The following SMC4 variants were observed in gnomAD, a reference collection of about 807,000 sequenced individuals.
The protein encoded by SMC4 is structural maintenance of chromosomes protein 4.
In SMC4, 87 loss-of-function variants were observed where a neutral mutation model predicts 145.6. The ratio of observed to expected loss-of-function variants is 0.60; its 90% CI spans 0.50 to 0.71. SMC4 has a LOEUF of 0.71. Among genes scored for constraint, SMC4 ranks in the 30% least tolerant of loss-of-function variants. The probability of loss-of-function intolerance (pLI) is 0.00; values close to 1 mark genes in which losing one functional copy is unlikely to be tolerated. For synonymous variants in SMC4, 558 were observed against 500.7 expected (o/e 1.11, Z -1.53); for missense variants, 1,447 against 1,537.1 (o/e 0.94, Z 0.98).
chr3:160,415,225 G>A lies in SMC4; in HGVS notation c.1272+708G>A, dbSNP rs577916691. Among the ~76,000 whole-genome samples, 18 of 152,276 alleles carry A rather than the reference G, an allele frequency of 1.2e-4. No individual in the cohort carries two copies. The South Asian group carries it at 3.5e-3, about 30-fold the overall frequency. ...CATCTCTACAGAAAATCCAAAATTA[G>A]CCAGGCTCAGTGGAACTTGCCTAAA... On this transcript the variant is annotated intron_variant, in intron 9 of 23. Coordinates refer to ENST00000357388, the MANE Select transcript of SMC4 (RefSeq NM_001002800.3).
chr3:160,430,549 A>C, intron 18 of SMC4, 50 bp from the exon 19 acceptor site: 8 of 1,453,914 alleles, frequency 5.5e-6, no homozygotes, highest in Non-Finnish European at 6.4e-6. Context: ...TTTCAGAAAC[A>C]ATAACAAATC....
intron 5 of SMC4, among the ~76,000 whole-genome samples, chr3:160,409,212 G>T (rs1715688407): frequency 7.0e-6 from 1 of 143,230 alleles, no homozygotes; most frequent in Non-Finnish European, 1.5e-5. Flanking sequence ...CTTGCAGTGA[G>T]TCGAGATCGC....
At chr3:160,400,701 C>A in intron 1 of SMC4, 121 bp from the exon 2 acceptor site, 1 of 1,246,852 alleles carries the variant, frequency 8.0e-7, no homozygotes, top group Non-Finnish European at 1.0e-6. Context: ...AGTCCCGCTG[C>A]CTCTAAGCGG....
chr3:160,433,244 CT>C, intron 23 of SMC4, 35 bp downstream of exon 23: 1 of 1,443,748 alleles, frequency 6.9e-7, no homozygotes, highest in Non-Finnish European at 9.7e-7. Flanking sequence ...ATTCCAGAAA[CT>C]TTTAGGGGTA....
intron 21 of SMC4, 84 bp from the exon 22 acceptor site, chr3:160,432,199 C>T: frequency 5.3e-6 from 6 of 1,129,118 alleles, no homozygotes; most frequent in South Asian, 3.1e-5. Context: ...AAGACTACGT[C>T]TCAAAACAAA....
chr3:160,405,087 C>A (rs537392474), intron 5 of SMC4, among the ~76,000 whole-genome samples: 1 of 152,124 alleles, frequency 6.6e-6, no homozygotes, highest in African/African-American at 2.4e-5. Flanking sequence ...AAATGACTTA[C>A]TTGGTGGAAC....
At chr3:160,408,760 C>T (rs1445061832) in intron 5 of SMC4, among the ~76,000 whole-genome samples, 1 of 151,964 alleles carries the variant, frequency 6.6e-6, no homozygotes. Flanking sequence ...CTACAGATTA[C>T]ATAGGAGATG....
intron 8 of SMC4, chr3:160,413,846 A>T: frequency 2.9e-6 from 1 of 341,232 alleles, no homozygotes; most frequent in Non-Finnish European, 5.4e-6. Flanking sequence ...GTGGCGTAGC[A>T]CAGTAACAAA....
rs746714962 is a variant in SMC4 at position 160,428,830 on chromosome 3, AATAATC to A, written c.2688_2693del (p.Asn896_His897del). 2 of 1,607,480 alleles carry A rather than the reference AATAATC, an allele frequency of 1.2e-6. No homozygotes were observed. The highest frequency in any genetic ancestry group is 2.2e-5 in the South Asian group (2 of 89,246). On this transcript the variant is annotated inframe_deletion, in exon 18 of 24. Transcript: ENST00000357388. Reference sequence around the variant, plus strand: ...CTTACACAATACCATCGTAGAAATCAATAATCATAAACTCAAGGCCCAACAAGACAA... The same window carrying A: ...CTTACACAATACCATCGTAGAAATCAATAAACTCAAGGCCCAACAAGACAA...
chr3:160,422,702 G>T (rs1471014806), intron 13 of SMC4, among the ~76,000 whole-genome samples: 3 of 152,014 alleles, frequency 2.0e-5, no homozygotes, highest in African/African-American at 7.2e-5. Flanking sequence ...TGTGTTTTGG[G>T]TATCATACCC....
At chr3:160,429,615 G>A (rs927146376) in intron 18 of SMC4, among the ~76,000 whole-genome samples, 1 of 151,404 alleles carries the variant, frequency 6.6e-6, no homozygotes, top group Non-Finnish European at 1.5e-5. Context: ...CCAAAAGACT[G>A]AGATTACAGG....
Position 160,419,416 on chromosome 3 carries a change from A to G in SMC4, c.1730A>G (p.His577Arg), listed in dbSNP as rs201372644. The G allele has an allele frequency of 2.5e-6, 4 of 1,612,242 alleles. No individual in the cohort carries two copies. The highest frequency in any genetic ancestry group is 1.3e-5 in the African/African-American group (1 of 74,918). Residue 577 changes from histidine (H) to arginine (R), a missense_variant, in exon 12 of 24, where the codon CAT becomes CGT. Transcript: ENST00000357388. ...GAAACAAACTTTAAAAGTTTGGTTCATGATCTCTTTCAAAAAGTTGAAGAA... is the reference window on the plus strand; with the variant it reads ...GAAACAAACTTTAAAAGTTTGGTTCGTGATCTCTTTCAAAAAGTTGAAGAA... ...QEETNFKSLV[H>R]DLFQKVEEAK...
chr3:160,423,939 G>A, intron 15 of SMC4, 99 bp downstream of exon 15: 1 of 787,368 alleles, frequency 1.3e-6, no homozygotes, highest in Non-Finnish European at 1.9e-6. Context: ...TAAGTATGGT[G>A]TACTCAAATT....
At chr3:160,412,131 T>C in intron 6 of SMC4, 47 bp downstream of exon 6, 1 of 1,573,304 alleles carries the variant, frequency 6.4e-7, no homozygotes, top group Non-Finnish European at 8.6e-7. Flanking sequence ...GTTTCATTTA[T>C]GATCTAACAA....
At chr3:160,413,026 C>T (rs913974344) in intron 7 of SMC4, among the ~76,000 whole-genome samples, 15 of 152,206 alleles carry the variant, frequency 9.9e-5, no homozygotes, top group African/African-American at 3.1e-4. Context: ...CTCAACCTTC[C>T]GGACTCAGTT....
rs1422208774 is a variant in SMC4 at position 160,412,314 on chromosome 3, T to A, written c.853-12T>A. The A allele has an allele frequency of 1.3e-6, 2 of 1,583,388 alleles. No individual in the cohort carries two copies. Among genetic ancestry groups the A allele is most frequent in the African/African-American group, 2.7e-5 (2 of 73,776 alleles). On this transcript the variant is annotated splice_polypyrimidine_tract_variant and intron_variant, in intron 6 of 23. Coordinates refer to ENST00000357388, the MANE Select transcript of SMC4 (RefSeq NM_001002800.3). ...AGTGTGTATTCAGTCTTTAAACTTT[T>A]AATTTCTGTAGTTAAACAGGGTAAA...
At position 160,426,105 on chromosome 3, in the gene SMC4, T is replaced by TC; in HGVS notation, c.2512dup (p.Gln838ProfsTer3). ...ATAGAGCAAGAAGAATATTTGAATG[T>TC]CCAAGTTAAGGAACTTGAAGCTAAT... On this transcript the variant is annotated frameshift_variant, in exon 17 of 24. Transcript: ENST00000357388. LOFTEE classifies it high-confidence loss of function. The TC allele has an allele frequency of 1.2e-6, 2 of 1,606,714 alleles. No individual in the cohort carries two copies. The highest frequency in any genetic ancestry group is 1.7e-6 in the Non-Finnish European group (2 of 1,176,424).
In SMC4 at chr3:160,433,808, G is replaced by A. The variant is rs1421346127; in HGVS notation, c.3866G>A (p.Ter1289=). 6.3e-7 allele frequency: 1 copy of A among 1,599,822 alleles called. No homozygotes were observed. Among genetic ancestry groups the A allele is most frequent in the African/African-American group, 1.3e-5 (1 of 74,308 alleles). The change falls in exon 24 of 24, where the codon TGA becomes TAA. Residue 1289 remains the stop codon, a stop_retained_variant. Coordinates refer to ENST00000357388, the MANE Select transcript of SMC4 (RefSeq NM_001002800.3). The stretch of plus-strand genomic sequence containing the variant: ...GAAATTGCATCTAAGGGACTTTGTT[G>A]AACTTTATGCTGAAGATTCTTCAAG... ...PKEIASKGLC[*] is the part of the protein sequence containing the mutation.
intron 9 of SMC4, among the ~76,000 whole-genome samples, chr3:160,415,030 T>C (rs571526940): frequency 6.6e-6 from 1 of 152,328 alleles, no homozygotes; most frequent in Admixed American, 6.5e-5. Context: ...ATATTGCCTG[T>C]CTTCTACAAA....
Sources: gnomAD v4.1 joint callset for allele counts (sites outside exome capture counted in the v4.1 genomes callset) on GRCh38, gnomAD v4.1.1 for gene constraint, MANE v1.5 for transcripts, NCBI Gene and HGNC (gene_info 2026-07-23, HGNC 2026-07-21) for gene names.